The following ECSIT variants were observed in gnomAD, a reference collection of about 807,000 sequenced individuals.
ECSIT encodes evolutionarily conserved signaling intermediate in Toll pathway, mitochondrial.
A neutral mutation model predicts 36.8 loss-of-function variants in ECSIT; 29 were observed. That is an observed-to-expected ratio of 0.79 (90% CI 0.59 to 1.08). ECSIT has a LOEUF of 1.08. Ranked by LOEUF, ECSIT falls within the 50% of genes least tolerant of loss-of-function variation. ECSIT has a pLI of 0.00. For missense variants in ECSIT, 542 were observed against 581.0 expected (o/e 0.93, Z 0.69); for synonymous variants, 231 against 234.8 (o/e 0.98, Z 0.15).
intron 4 of ECSIT, among the ~76,000 whole-genome samples, chr19:11,510,812 G>A (rs1020430986): frequency 1.3e-5 from 2 of 149,062 alleles, no homozygotes; most frequent in African/African-American, 2.5e-5. Flanking sequence ...CTGGACCCAC[G>A]ACCCTGGTCC....
Position 11,524,926 on chromosome 19 carries a change from C to T in ECSIT, c.-24+4136G>A, listed in dbSNP as rs185297343. ...AGCCAAGGCGGGTGGATCACAAGGTCAGGAGTTCAAGACCAGCTTGGCCAA... is the reference window on the plus strand; with the variant it reads ...AGCCAAGGCGGGTGGATCACAAGGTTAGGAGTTCAAGACCAGCTTGGCCAA... On this transcript the variant is annotated intron_variant, in intron 1 of 7. Coordinates refer to ENST00000270517, the MANE Select transcript of ECSIT (RefSeq NM_016581.5). Among the ~76,000 whole-genome samples the T allele has an allele frequency of 1.4e-4, 22 of 151,978 alleles. No individual in the cohort carries two copies. The East Asian group carries it at 4.3e-3, about 30-fold the overall frequency.
intron 2 of ECSIT, among the ~76,000 whole-genome samples, chr19:11,517,723 G>T (rs1203255366): frequency 6.6e-6 from 1 of 152,104 alleles, no homozygotes; most frequent in East Asian, 1.9e-4. Flanking sequence ...TGCAAAGGAG[G>T]TAATGTAAAT....
Position 11,523,471 on chromosome 19 carries a change from G to C in ECSIT, c.-23-4278C>G, listed in dbSNP as rs1258594900. 3.1e-6 allele frequency: 3 copies of C among 963,226 alleles called. No individual in the cohort carries two copies. In the East Asian group the frequency reaches 7.4e-5, roughly 24 times the overall value. 59.7% of individuals were successfully genotyped at this position (963,226 alleles called of 1,614,324 possible). A position where few individuals can be genotyped will look rare whatever the true frequency, so the allele number is the denominator to read the frequency against. ...GAGGCATTGCTGCTGGAGGTGTAATGGATGTTAATACTGCTTTACAAGAGG... is the reference window on the plus strand; with the variant it reads ...GAGGCATTGCTGCTGGAGGTGTAATCGATGTTAATACTGCTTTACAAGAGG... On this transcript the variant is annotated intron_variant, in intron 1 of 7. Transcript: ENST00000270517.
chr19:11,518,162 T>C (rs950992531), intron 2 of ECSIT, among the ~76,000 whole-genome samples: 4 of 151,498 alleles, frequency 2.6e-5, no homozygotes, highest in African/African-American at 9.7e-5. Context: ...TGCGGTGGCT[T>C]ATGCCTGTAA....
At chr19:11,522,382 C>A in intron 1 of ECSIT, 2 of 934,402 alleles carry the variant, frequency 2.1e-6, no homozygotes, top group East Asian at 4.9e-5. Flanking sequence ...CAAGTCCCAC[C>A]GGCTGGCCGT....
chr19:11,522,696 G>C (rs1181845331), intron 1 of ECSIT, among the ~76,000 whole-genome samples: 1 of 151,898 alleles, frequency 6.6e-6, no homozygotes, highest in Non-Finnish European at 1.5e-5. Context: ...CTGGGTGACC[G>C]AGTGAGACTC....
At chr19:11,513,613 G>A (rs181742719) in intron 3 of ECSIT, among the ~76,000 whole-genome samples, 191 bp downstream of exon 3, 1 of 117,342 alleles carries the variant, frequency 8.5e-6, no homozygotes, top group East Asian at 3.2e-4. Context: ...AGGGAGGGAG[G>A]GGGGAGGGGA....
At chr19:11,511,371 G>A (rs1464936642) in intron 4 of ECSIT, among the ~76,000 whole-genome samples, 1 of 152,136 alleles carries the variant, frequency 6.6e-6, no homozygotes, top group Admixed American at 6.6e-5. Flanking sequence ...GGTGAATGAG[G>A]AACCAAGCCA....
Position 11,519,119 on chromosome 19 carries a change from C to CCCA in ECSIT, c.49_51dup (p.Trp17dup). ...GTGAGGGCGGCCCCGCAGGTGCCTC[C>CCCA]CCAGGCCCTACAGAGGCCTCGGGCC... On this transcript the variant is annotated inframe_insertion, in exon 2 of 8. Coordinates refer to ENST00000270517, the MANE Select transcript of ECSIT (RefSeq NM_016581.5). The surrounding 1 kb of genome is among the most constrained non-coding windows in gnomAD (Gnocchi z 4.4). The CCCA allele has an allele frequency of 6.4e-7, 1 of 1,551,024 alleles. No individual in the cohort carries two copies. Among genetic ancestry groups the CCCA allele is most frequent in the Non-Finnish European group, 8.7e-7 (1 of 1,146,952 alleles).
At chr19:11,528,171 C>G (rs1403033723) in intron 1 of ECSIT, among the ~76,000 whole-genome samples, 1 of 152,140 alleles carries the variant, frequency 6.6e-6, no homozygotes, top group East Asian at 1.9e-4. Context: ...CCAGATCTGC[C>G]CACAGCTGTC....
chr19:11,507,753 C>T lies in ECSIT; in HGVS notation c.894G>A (p.Lys298=), dbSNP rs111647348. ...CTCTGAGGATGTGGTAATACACACA[C>T]TTGTTGCGGAGCCACAGGGAGAAGG... ...EGPFSLWLRN[K]CVYYHILRAD... is the part of the protein sequence containing the mutation. Residue 298 remains lysine, a synonymous_variant, in exon 6 of 8, where the codon AAG becomes AAA. Transcript: ENST00000270517. 2.3e-5 allele frequency: 37 copies of T among 1,614,150 alleles called. No homozygotes were observed. The African/African-American group carries it at 2.5e-4, about 11-fold the overall frequency.
intron 2 of ECSIT, among the ~76,000 whole-genome samples, 156 bp downstream of exon 2, chr19:11,518,911 AACATACAT>A (rs1051492414): frequency 3.3e-5 from 5 of 152,138 alleles, no homozygotes; most frequent in Non-Finnish European, 7.4e-5. Flanking sequence ...CAAACACATA[AACATACAT>A]ACATACATAA....
intron 4 of ECSIT, among the ~76,000 whole-genome samples, chr19:11,511,488 T>A (rs1228156122): frequency 6.6e-6 from 1 of 151,988 alleles, no homozygotes; most frequent in African/African-American, 2.4e-5. Flanking sequence ...GGGAACAGTG[T>A]TCCTGGCAGA....
chr19:11,517,282 A>G (rs1972017196), intron 2 of ECSIT, among the ~76,000 whole-genome samples: 1 of 141,068 alleles, frequency 7.1e-6, no homozygotes, highest in Admixed American at 7.0e-5. Flanking sequence ...GGCAATGTTA[A>G]AAAAAAAAAA....
chr19:11,512,630 C>T (rs1971892762), intron 4 of ECSIT, among the ~76,000 whole-genome samples: 1 of 151,996 alleles, frequency 6.6e-6, no homozygotes, highest in African/African-American at 2.4e-5. Context: ...GGGACTCAGC[C>T]AGAGAATCAG....
At chr19:11,507,352 C>T (rs972092628) in intron 7 of ECSIT, 105 bp downstream of exon 7, 14 of 847,842 alleles carry the variant, frequency 1.7e-5, no homozygotes, top group Non-Finnish European at 2.7e-5. Flanking sequence ...TAATAGTTCA[C>T]TGCAACCTCA....
At chr19:11,512,782 C>A (rs561725302) in intron 4 of ECSIT, among the ~76,000 whole-genome samples, 23 of 151,368 alleles carry the variant, frequency 1.5e-4, no homozygotes, top group South Asian at 2.1e-4. Flanking sequence ...AAAAAAAAAA[C>A]AGTTTTTTTA....
At position 11,506,490 on chromosome 19, in the gene ECSIT, C is replaced by G. The variant is rs1304962042; in HGVS notation, c.1052-62G>C. On this transcript the variant is annotated intron_variant, in intron 7 of 7. Transcript: ENST00000270517. ...GGGGGCTGCAGCGGCTAACCCATGC[C>G]TACACCTTTTTGAGGTATTTTACAC... 5 of 1,525,736 alleles carry G rather than the reference C, an allele frequency of 3.3e-6. No homozygotes were observed. In the African/African-American group the frequency reaches 7.0e-5, roughly 21 times the overall value. The allele number at this position is 1,525,736 out of a possible 1,614,324, so 94.5% of individuals were successfully genotyped here.
chr19:11,513,986 T>C lies in ECSIT; in HGVS notation c.332A>G (p.Tyr111Cys), dbSNP rs1200850401. 1.2e-6 allele frequency: 2 copies of C among 1,614,172 alleles called. No individual in the cohort carries two copies. The highest frequency in any genetic ancestry group is 1.1e-5 in the South Asian group (1 of 91,076). Reference sequence around the variant, plus strand: ...CTCCCGCATCTTGCGCAGGGCCAGGTAGATGAAGTCAATGTGGCCCCGCTT... The same window carrying C: ...CTCCCGCATCTTGCGCAGGGCCAGGCAGATGAAGTCAATGTGGCCCCGCTT... ...VRKRGHIDFI[Y>C]LALRKMREYG... The change falls in exon 3 of 8, where the codon TAC (tyrosine) becomes TGC (cysteine). Residue 111 changes from tyrosine (Y) to cysteine (C), a missense_variant. Tyr to Cys is a radical substitution (Grantham distance 194). Coordinates refer to ENST00000270517, the MANE Select transcript of ECSIT (RefSeq NM_016581.5).
Sources: allele counts gnomAD v4.1 joint callset (sites outside exome capture counted in the v4.1 genomes callset), GRCh38; gene constraint gnomAD v4.1.1; non-coding constraint Gnocchi (gnomAD v3.1); transcripts MANE v1.5; gene names NCBI Gene and HGNC (gene_info 2026-07-23, HGNC 2026-07-21).